DAB1: variants seen among roughly 807,000 people sequenced by gnomAD.
DAB1 encodes DAB adaptor protein 1.
DAB1 carries 15 observed loss-of-function variants against 64.6 expected under a neutral mutation model. That is an observed-to-expected ratio of 0.23 (90% CI 0.16 to 0.36). The LOEUF is 0.36. Ranked by LOEUF, DAB1 falls within the 10% of genes least tolerant of loss-of-function variation. DAB1 has a pLI of 1.00. For missense variants in DAB1, 596 were observed against 706.7 expected, an observed-to-expected ratio of 0.84 and a Z score of 1.78; for synonymous variants, 235 against 251.9, an observed-to-expected ratio of 0.93 and a Z score of 0.64.
chr1:57,529,465 A>C (rs907807561), intron 7 of DAB1, among the ~76,000 whole-genome samples: 1 of 152,150 alleles, frequency 6.6e-6, no homozygotes, highest in African/African-American at 2.4e-5. Context: ...AGACTTAACT[A>C]TATATCATTT....
At chr1:57,961,497 T>C (rs768387008) in intron 5 of DAB1, among the ~76,000 whole-genome samples, 13 of 152,180 alleles carry the variant, frequency 8.5e-5, no homozygotes, top group Admixed American at 2.0e-4. Context: ...CTTCCTGTCA[T>C]GCTCAACCAT....
intron 6 of DAB1, among the ~76,000 whole-genome samples, chr1:57,765,301 G>C (rs928757376): frequency 5.9e-5 from 9 of 152,152 alleles, no homozygotes; most frequent in African/African-American, 2.2e-4. Context: ...TTAGGCAGAG[G>C]ACCAGAATAC....
At chr1:58,165,485 C>A (rs1655784264) in intron 4 of DAB1, among the ~76,000 whole-genome samples, 1 of 152,184 alleles carries the variant, frequency 6.6e-6, no homozygotes, top group Non-Finnish European at 1.5e-5. Context: ...GACAGGAATG[C>A]CTTAGAAGCC....
At chr1:58,499,608 A>G (rs1238245987) in intron 3 of DAB1, among the ~76,000 whole-genome samples, 1 of 152,150 alleles carries the variant, frequency 6.6e-6, no homozygotes, top group African/African-American at 2.4e-5. Flanking sequence ...GTTAATAAAA[A>G]TGTACTGTAT....
chr1:57,901,233 A>G (rs542896923), intron 5 of DAB1, among the ~76,000 whole-genome samples: 89 of 152,174 alleles, frequency 5.8e-4, no homozygotes, highest in African/African-American at 1.7e-3. Context: ...TAACCCCTAA[A>G]GATAAACTTA....
intron 4 of DAB1, among the ~76,000 whole-genome samples, chr1:58,220,550 T>C (rs1222352524): frequency 6.6e-6 from 1 of 152,120 alleles, no homozygotes; most frequent in Non-Finnish European, 1.5e-5. Flanking sequence ...AAATTTTAAA[T>C]AAAAATTTAC....
chr1:57,068,910 C>A (rs986577604), intron 8 of DAB1, among the ~76,000 whole-genome samples: 1 of 152,180 alleles, frequency 6.6e-6, no homozygotes, highest in Admixed American at 6.6e-5. Context: ...AGGGTAAAGC[C>A]TTTAGCTGTA....
intron 7 of DAB1, among the ~76,000 whole-genome samples, chr1:57,538,647 G>A (rs1430117068): frequency 2.0e-5 from 3 of 152,290 alleles, no homozygotes; most frequent in Non-Finnish European, 4.4e-5. Context: ...CAGCACATGA[G>A]AACAGAGAGC....
intron 5 of DAB1, among the ~76,000 whole-genome samples, chr1:58,065,318 G>T (rs960047102): frequency 6.6e-6 from 1 of 152,084 alleles, no homozygotes; most frequent in Non-Finnish European, 1.5e-5. Flanking sequence ...TAATTCAACT[G>T]ATACTTATTG....
At chr1:58,540,877 C>A (rs1044200275) in intron 1 of DAB1, among the ~76,000 whole-genome samples, 1 of 150,210 alleles carries the variant, frequency 6.7e-6, no homozygotes, top group African/African-American at 2.4e-5. Context: ...ATTATAAAAC[C>A]ACAAATTCAA....
chr1:57,952,142 C>A (rs780179497), intron 5 of DAB1, among the ~76,000 whole-genome samples: 11 of 152,046 alleles, frequency 7.2e-5, no homozygotes, highest in Non-Finnish European at 1.6e-4. Flanking sequence ...CCTCCAGGAA[C>A]GACCACATGA....
intron 5 of DAB1, among the ~76,000 whole-genome samples, chr1:58,001,322 G>A (rs1445147106): frequency 6.6e-6 from 1 of 152,074 alleles, no homozygotes; most frequent in Admixed American, 6.6e-5. Context: ...GGAGTGCAGT[G>A]GTTCAATCTC....
At chr1:57,914,434 C>T (rs1202810) in intron 5 of DAB1, among the ~76,000 whole-genome samples, 27,973 of 103,484 alleles carry the variant, frequency 0.27, 3,152 homozygotes, top group Admixed American at 0.38. Flanking sequence ...ATGGGATGGG[C>T]GGGGGGAGGG....
intron 6 of DAB1, among the ~76,000 whole-genome samples, chr1:57,781,580 A>T (rs1369900757): frequency 6.6e-6 from 1 of 152,160 alleles, no homozygotes; most frequent in Admixed American, 6.6e-5. Flanking sequence ...CAGAAAGTAA[A>T]CTAAGTAACA....
At chr1:57,547,348 T>G (rs796410774) in intron 7 of DAB1, among the ~76,000 whole-genome samples, 10 of 152,350 alleles carry the variant, frequency 6.6e-5, no homozygotes, top group South Asian at 2.1e-4. Context: ...ACCTAAAATT[T>G]AAAGCTTCTT....
At chr1:57,178,779 T>G (rs1279332013) in intron 2 of DAB1, among the ~76,000 whole-genome samples, 1 of 152,054 alleles carries the variant, frequency 6.6e-6, no homozygotes, top group African/African-American at 2.4e-5. Flanking sequence ...TATTCTTCTA[T>G]CTGTATTATA....
At chr1:57,494,061 A>T (rs1159346994) in intron 7 of DAB1, among the ~76,000 whole-genome samples, 1 of 152,122 alleles carries the variant, frequency 6.6e-6, no homozygotes, top group South Asian at 2.1e-4. Flanking sequence ...AAATGTCAGT[A>T]TACTCTGTGA....
chr1:58,394,591 A>C (rs1174648626), intron 3 of DAB1, among the ~76,000 whole-genome samples: 3 of 152,244 alleles, frequency 2.0e-5, no homozygotes, highest in African/African-American at 7.2e-5. Context: ...AAAGGAAGGA[A>C]TTGCTGATAC....
rs184489576 is a variant in DAB1 at position 57,291,808 on chromosome 1, T to G, written c.-136-642A>C. Among the ~76,000 whole-genome samples, 19 of 152,298 alleles carry G rather than the reference T, an allele frequency of 1.2e-4. No homozygotes were observed. In the East Asian group the frequency reaches 3.7e-3, roughly 29 times the overall value. ...CAGATTTCATTCATTCATTCTCTAA[T>G]AAATGTGCATTGAATAATACCAGGT... is the stretch of plus-strand genomic sequence containing the variant. On this transcript the variant is annotated intron_variant, in intron 1 of 14. Transcript: ENST00000371236.
Sources: allele counts gnomAD v4.1 joint callset (sites outside exome capture counted in the v4.1 genomes callset), GRCh38; gene constraint gnomAD v4.1.1; transcripts MANE v1.5; gene names NCBI Gene and HGNC (gene_info 2026-07-23, HGNC 2026-07-21).